PPP2R2C: variants seen among roughly 807,000 people sequenced by gnomAD.
The protein encoded by PPP2R2C is protein phosphatase 2, regulatory subunit B, gamma.
Under a neutral mutation model 45.3 loss-of-function variants are expected in PPP2R2C, and 10 were observed. That is an observed-to-expected ratio of 0.22 (90% CI 0.14 to 0.37). The LOEUF (loss-of-function observed/expected upper bound fraction) is 0.37, where lower values mean the gene tolerates loss of function less well. PPP2R2C is among the 10% of genes least tolerant of loss of function. The pLI is 1.00. For synonymous variants in PPP2R2C, 257 were observed against 245.4 expected, an observed-to-expected ratio of 1.05 and a Z score of -0.44; for missense variants, 308 against 619.7, an observed-to-expected ratio of 0.50 and a Z score of 5.34.
At chr4:6,491,823 A>T (rs1288309288) in intron 2 of PPP2R2C, among the ~76,000 whole-genome samples, 5 of 152,180 alleles carry the variant, frequency 3.3e-5, no homozygotes, top group Non-Finnish European at 7.3e-5. Context: ...TTCTGCCACG[A>T]TTATAAGCTT....
At chr4:6,456,318 C>A (rs1057241691) in intron 1 of PPP2R2C, among the ~76,000 whole-genome samples, 6 of 141,374 alleles carry the variant, frequency 4.2e-5, no homozygotes, top group South Asian at 2.6e-4. Flanking sequence ...CCCCCCCCCC[C>A]CTTTATTCTA....
At chr4:6,399,182 CAT>C (rs1044038985) in intron 1 of PPP2R2C, among the ~76,000 whole-genome samples, 3 of 152,160 alleles carry the variant, frequency 2.0e-5, no homozygotes, top group Admixed American at 1.3e-4. Flanking sequence ...ATTTCACAAA[CAT>C]ATACATAGCT....
intron 2 of PPP2R2C, among the ~76,000 whole-genome samples, chr4:6,507,450 T>C (rs1723275443): frequency 6.6e-6 from 1 of 152,254 alleles, no homozygotes; most frequent in South Asian, 2.1e-4. Flanking sequence ...GTTTCCACTC[T>C]TGCCCTCTGG....
chr4:6,383,463 C>A, intron 1 of PPP2R2C: 1 of 1,283,120 alleles, frequency 7.8e-7, no homozygotes, highest in South Asian at 1.2e-5. Flanking sequence ...AAACACCAGG[C>A]TCCTTGCCCT....
At chr4:6,336,114 T>G (rs1732826279) in intron 6 of PPP2R2C, among the ~76,000 whole-genome samples, 1 of 152,066 alleles carries the variant, frequency 6.6e-6, no homozygotes, top group Non-Finnish European at 1.5e-5. Flanking sequence ...TGGTGTCATA[T>G]TTTGGAATTA....
intron 1 of PPP2R2C, among the ~76,000 whole-genome samples, chr4:6,453,850 T>C (rs1441089355): frequency 6.6e-6 from 1 of 152,110 alleles, no homozygotes; most frequent in Non-Finnish European, 1.5e-5. Context: ...TGTGGGCACC[T>C]GCAAGCCTCC....
At chr4:6,457,868 C>T (rs1721127888) in intron 1 of PPP2R2C, among the ~76,000 whole-genome samples, 2 of 152,332 alleles carry the variant, frequency 1.3e-5, no homozygotes, top group East Asian at 3.9e-4. Flanking sequence ...GCAGAATTAT[C>T]TTTCTCCAGA....
chr4:6,527,631 C>T (rs535301478), intron 2 of PPP2R2C, among the ~76,000 whole-genome samples: 1 of 138,654 alleles, frequency 7.2e-6, no homozygotes, highest in Non-Finnish European at 1.5e-5. Context: ...CTTCCTTATG[C>T]CCTGGCCACA....
chr4:6,543,185 C>T (rs561357311), intron 1 of PPP2R2C, among the ~76,000 whole-genome samples: 1 of 152,288 alleles, frequency 6.6e-6, no homozygotes, highest in South Asian at 2.1e-4. Flanking sequence ...GTGGATGCAC[C>T]ACCGCAGCCC....
intron 2 of PPP2R2C, among the ~76,000 whole-genome samples, chr4:6,534,788 G>A (rs991068900): frequency 2.0e-5 from 3 of 152,134 alleles, no homozygotes; most frequent in Admixed American, 1.3e-4. Context: ...CATGGCACTC[G>A]CCCCCAGTCG....
At chr4:6,342,081 TACACACACACACAC>T (rs58305750) in intron 6 of PPP2R2C, among the ~76,000 whole-genome samples, 1,854 of 139,706 alleles carry the variant, frequency 0.013, 31 homozygotes, top group Admixed American at 0.033. Context: ...TCTGCCACGA[TACACACACACACAC>T]ACACACACAC....
chr4:6,401,633 C>T (rs1286513354), intron 1 of PPP2R2C, among the ~76,000 whole-genome samples: 3 of 152,262 alleles, frequency 2.0e-5, no homozygotes, highest in African/African-American at 7.2e-5. Flanking sequence ...CCACCCTCCT[C>T]TGTGTGATCT....
intron 2 of PPP2R2C, among the ~76,000 whole-genome samples, chr4:6,531,654 A>C (rs1724405908): frequency 6.6e-6 from 1 of 151,644 alleles, no homozygotes; most frequent in Non-Finnish European, 1.5e-5. Flanking sequence ...TTTGCAGAGC[A>C]GGTGCTCTGT....
At chr4:6,366,760 C>G (rs943429681) in intron 5 of PPP2R2C, among the ~76,000 whole-genome samples, 1 of 152,200 alleles carries the variant, frequency 6.6e-6, no homozygotes, top group African/African-American at 2.4e-5. Context: ...CTCCACCCCA[C>G]CCTGCCCCAT....
At chr4:6,340,708 T>C (rs1733379678) in intron 6 of PPP2R2C, among the ~76,000 whole-genome samples, 1 of 152,158 alleles carries the variant, frequency 6.6e-6, no homozygotes, top group Admixed American at 6.5e-5. Context: ...CTCAGCTTAT[T>C]CCCCACTGGG....
Position 6,347,978 on chromosome 4 carries a change from C to T in PPP2R2C, c.658G>A (p.Asp220Asn), listed in dbSNP as rs1712160939. ...GATGCTGTGATCACCTCCGTAAGGT[C>T]CTCCATGTTGGCCGGCTTGATGTCC... ...IVDIKPANMEDLTEVITASEF... is the reference protein window; with the variant it reads ...IVDIKPANMENLTEVITASEF... Residue 220 changes from aspartate to asparagine, a missense_variant, in exon 6 of 9, where the codon GAC (aspartate) becomes AAC (asparagine). Transcript: ENST00000382599. The T allele has an allele frequency of 6.2e-7, 1 of 1,613,872 alleles. No individual in the cohort carries two copies. The highest frequency in any genetic ancestry group is 1.1e-5 in the South Asian group (1 of 91,078).
At chr4:6,507,747 G>A (rs1333910288) in intron 2 of PPP2R2C, among the ~76,000 whole-genome samples, 1 of 152,226 alleles carries the variant, frequency 6.6e-6, no homozygotes, top group South Asian at 2.1e-4. Context: ...TACAGCAATA[G>A]CTAACTAATA....
chr4:6,352,269 C>T (rs911490226), intron 5 of PPP2R2C, among the ~76,000 whole-genome samples: 3 of 152,194 alleles, frequency 2.0e-5, no homozygotes, highest in Non-Finnish European at 4.4e-5. Context: ...TTGGCTGTTA[C>T]TGGAACATCA....
In PPP2R2C at chr4:6,321,489, A is replaced by G. The variant is rs953880807; in HGVS notation, c.*1813T>C. 1.2e-4 allele frequency: 18 copies of G among 151,818 alleles called. No individual in the cohort carries two copies. Among genetic ancestry groups the G allele is most frequent in the Non-Finnish European group, 2.4e-4 (16 of 67,818 alleles). 9.4% of individuals were successfully genotyped at this position (151,818 alleles called of 1,614,324 possible). On this transcript the variant is annotated 3_prime_UTR_variant, in exon 9 of 9. Coordinates refer to ENST00000382599, the MANE Select transcript of PPP2R2C (RefSeq NM_020416.4). ...AAACAAACATTCTTCATTCACGTTGATTAAAAAAAAATCAATGATCCATTT... is the reference window on the plus strand; with the variant it reads ...AAACAAACATTCTTCATTCACGTTGGTTAAAAAAAAATCAATGATCCATTT...
Sources: allele counts gnomAD v4.1 joint callset (sites outside exome capture counted in the v4.1 genomes callset), GRCh38; gene constraint gnomAD v4.1.1; transcripts MANE v1.5; gene names NCBI Gene and HGNC (gene_info 2026-07-23, HGNC 2026-07-21).